The following HDAC4 variants were observed in gnomAD, a reference collection of about 807,000 sequenced individuals.
HDAC4 encodes the protein histone deacetylase A.
In HDAC4, 16 loss-of-function variants were observed where a neutral mutation model predicts 135.1. That is an observed-to-expected ratio of 0.12 (90% confidence interval 0.08 to 0.18). The LOEUF is 0.18. HDAC4 is among the 10% of genes least tolerant of loss of function. The pLI is 1.00. For missense variants in HDAC4, 1,143 were observed against 1,511.8 expected, an observed-to-expected ratio of 0.76 and a Z score of 4.05; for synonymous variants, 685 against 653.4, an observed-to-expected ratio of 1.05 and a Z score of -0.74.
chr2:239,392,563 CTAAT>C (rs972460615), intron 1 of HDAC4, among the ~76,000 whole-genome samples: 2 of 152,204 alleles, frequency 1.3e-5, no homozygotes, highest in African/African-American at 4.8e-5. Context: ...GTTGGCATCA[CTAAT>C]TAAGATACAC....
chr2:239,337,588 T>C (rs1692022461), intron 2 of HDAC4, among the ~76,000 whole-genome samples: 2 of 152,236 alleles, frequency 1.3e-5, no homozygotes, highest in Non-Finnish European at 2.9e-5. Flanking sequence ...TGGCCGCTGC[T>C]GGGTTTGACA....
Position 239,149,586 on chromosome 2 carries a change from G to A in HDAC4, c.734-4872C>T, listed in dbSNP as rs75576622. On this transcript the variant is annotated intron_variant, in intron 7 of 26. Coordinates refer to ENST00000543185, the MANE Select transcript of HDAC4 (RefSeq NM_001378414.1). ...TTCAGCACTGATGGAACCGCCTCAC[G>A]TGCCCTGCGTGGCTCCAGATGCTGG... Among the ~76,000 whole-genome samples, 11 of 152,196 alleles carry A rather than the reference G, an allele frequency of 7.2e-5. No individual in the cohort carries two copies. The East Asian group carries it at 1.6e-3, about 22-fold the overall frequency.
intron 1 of HDAC4, among the ~76,000 whole-genome samples, chr2:239,353,640 C>T (rs1447862280): frequency 6.6e-6 from 1 of 152,108 alleles, no homozygotes; most frequent in East Asian, 1.9e-4. Context: ...TAATATCATC[C>T]CCTGGTTCAA....
At chr2:239,176,014 G>T (rs2043738079) in intron 5 of HDAC4, among the ~76,000 whole-genome samples, 1 of 152,068 alleles carries the variant, frequency 6.6e-6, no homozygotes, top group African/African-American at 2.4e-5. Context: ...CCCATTCCTG[G>T]CCTGCTTCTT....
At chr2:239,227,625 G>A (rs2047315558) in intron 3 of HDAC4, among the ~76,000 whole-genome samples, 1 of 152,190 alleles carries the variant, frequency 6.6e-6, no homozygotes, top group Non-Finnish European at 1.5e-5. Context: ...GGGAAGACAG[G>A]CCCTCCAAAG....
At chr2:239,384,245 C>T (rs1250130573) in intron 1 of HDAC4, among the ~76,000 whole-genome samples, 2 of 152,170 alleles carry the variant, frequency 1.3e-5, no homozygotes, top group African/African-American at 4.8e-5. Flanking sequence ...TGAAAAGATC[C>T]ATGATCTCCC....
intron 1 of HDAC4, among the ~76,000 whole-genome samples, chr2:239,369,836 G>A (rs1037756457): frequency 2.0e-4 from 31 of 152,222 alleles, no homozygotes; most frequent in Admixed American, 1.6e-3. Flanking sequence ...GCTTAAAGGA[G>A]CTGAGGACAG....
At chr2:239,094,926 T>G in intron 17 of HDAC4, 84 bp downstream of exon 17, 1 of 1,609,550 alleles carries the variant, frequency 6.2e-7, no homozygotes, top group Non-Finnish European at 8.5e-7. Flanking sequence ...TTATTCACTT[T>G]GAGGGAAGCA....
rs74566136 is a variant in HDAC4, at chr2:239,083,226, C to T, written c.2532+929G>A. Reference sequence around the variant, plus strand: ...TACGCAGCCTGTCTGCGTGTCCTAGCGCTTCACTCTTTTGGGGATGGGTCC... The same window carrying T: ...TACGCAGCCTGTCTGCGTGTCCTAGTGCTTCACTCTTTTGGGGATGGGTCC... On this transcript the variant is annotated intron_variant, in intron 20 of 26. Transcript: ENST00000543185. Among the ~76,000 whole-genome samples the T allele has an allele frequency of 6.8e-3, 1,031 of 152,360 alleles. 10 individuals carry two copies. The highest frequency in any genetic ancestry group is 0.023 in the African/African-American group (952 of 41,584).
intron 6 of HDAC4, among the ~76,000 whole-genome samples, chr2:239,157,936 A>C (rs2042530901): frequency 6.6e-6 from 1 of 152,164 alleles, no homozygotes; most frequent in African/African-American, 2.4e-5. Context: ...GAGCTCCGGA[A>C]AACTGCACAG....
chr2:239,147,126 G>A (rs917051748), intron 7 of HDAC4, among the ~76,000 whole-genome samples: 1 of 152,234 alleles, frequency 6.6e-6, no homozygotes, highest in African/African-American at 2.4e-5. Context: ...GCTCGGGGAG[G>A]GGATTGAGCA....
chr2:239,213,015 G>A (rs2046425225), intron 3 of HDAC4, among the ~76,000 whole-genome samples: 1 of 152,192 alleles, frequency 6.6e-6, no homozygotes, highest in African/African-American at 2.4e-5. Flanking sequence ...CTGTTGACTT[G>A]TTCACTTCTT....
intron 1 of HDAC4, among the ~76,000 whole-genome samples, chr2:239,354,100 C>A (rs1234869970): frequency 6.6e-6 from 1 of 152,214 alleles, no homozygotes; most frequent in Admixed American, 6.5e-5. Context: ...TGGTAACATT[C>A]TGACATGCTT....
chr2:239,244,493 G>A (rs1575507970), intron 2 of HDAC4, among the ~76,000 whole-genome samples: 1 of 152,144 alleles, frequency 6.6e-6, no homozygotes, highest in Non-Finnish European at 1.5e-5. Context: ...ATCTATTTGG[G>A]TTTGGGGCCA....
intron 11 of HDAC4, among the ~76,000 whole-genome samples, chr2:239,131,906 C>A (rs767398241): frequency 1.3e-5 from 2 of 152,222 alleles, no homozygotes; most frequent in Non-Finnish European, 2.9e-5. Context: ...AGCGTGGGGG[C>A]CTCCAGGCCT....
intron 18 of HDAC4, among the ~76,000 whole-genome samples, chr2:239,087,963 G>A (rs1188310667): frequency 6.6e-6 from 1 of 152,188 alleles, no homozygotes; most frequent in Non-Finnish European, 1.5e-5. Context: ...ACTCCCCGTC[G>A]GCTCGGGACC....
intron 16 of HDAC4, among the ~76,000 whole-genome samples, chr2:239,095,820 A>AC (rs1334901004): frequency 3.3e-5 from 5 of 151,772 alleles, no homozygotes; most frequent in African/African-American, 1.2e-4. Context: ...AGGACAAGAG[A>AC]CCCCCACTAA....
At chr2:239,205,913 A>G (rs1002626908) in intron 3 of HDAC4, among the ~76,000 whole-genome samples, 2 of 152,262 alleles carry the variant, frequency 1.3e-5, no homozygotes, top group East Asian at 3.8e-4. Flanking sequence ...AAGCTCATGC[A>G]GTAACGTTTC....
intron 15 of HDAC4, among the ~76,000 whole-genome samples, chr2:239,103,395 C>T (rs1302460158): frequency 1.3e-5 from 2 of 152,322 alleles, no homozygotes; most frequent in Admixed American, 6.5e-5. Context: ...CATCCGGCTG[C>T]GTCTCTCTGA....
Sources: gnomAD v4.1 joint callset for allele counts (sites outside exome capture counted in the v4.1 genomes callset) on GRCh38, gnomAD v4.1.1 for gene constraint, MANE v1.5 for transcripts, NCBI Gene and HGNC (gene_info 2026-07-23, HGNC 2026-07-21) for gene names.